Variants in CEP41 observed in about 807,000 individuals in gnomAD.
CEP41 encodes the protein centrosomal protein of 41 kDa.
A neutral mutation model predicts 44.3 loss-of-function variants in CEP41; 32 were observed. The ratio of observed to expected loss-of-function variants is 0.72; its 90% confidence interval spans 0.54 to 0.97. The LOEUF (loss-of-function observed/expected upper bound fraction) is 0.97. CEP41 is among the 50% of genes least tolerant of loss of function. The pLI is 0.00. For missense variants in CEP41, 432 were observed against 455.2 expected, an observed-to-expected ratio of 0.95 and a Z score of 0.46; for synonymous variants, 151 against 168.5, an observed-to-expected ratio of 0.90 and a Z score of 0.80.
At chr7:130,417,040 A>C in intron 2 of CEP41, 74 bp from the exon 3 acceptor site, 1 of 1,369,308 alleles carries the variant, frequency 7.3e-7, no homozygotes, top group Non-Finnish European at 1.0e-6. Flanking sequence ...AACAGAATGG[A>C]GGAAAAGTAT....
intron 5 of CEP41, among the ~76,000 whole-genome samples, chr7:130,408,880 C>T (rs1207475570): frequency 6.6e-6 from 1 of 152,122 alleles, no homozygotes; most frequent in Non-Finnish European, 1.5e-5. Flanking sequence ...GATGACAACA[C>T]AATCTTTACA....
chr7:130,423,942 G>A (rs1797585831), intron 2 of CEP41, among the ~76,000 whole-genome samples: 1 of 152,148 alleles, frequency 6.6e-6, no homozygotes, highest in African/African-American at 2.4e-5. Context: ...TAGATTAGTG[G>A]TTACTCAACA....
upstream of CEP41, chr7:130,441,198 C>T (rs1798153475): frequency 3.0e-6 from 2 of 671,390 alleles, no homozygotes; most frequent in South Asian, 3.0e-5. Context: ...GCTAGCGAGG[C>T]CTTTTGTTCT....
At chr7:130,401,149 A>C in intron 8 of CEP41, 1 of 330,152 alleles carries the variant, frequency 3.0e-6, no homozygotes, top group South Asian at 2.7e-5. Context: ...AAATAGAACA[A>C]CTTCTATGCC....
chr7:130,395,312 C>T lies in CEP41; in HGVS notation c.*3579G>A, dbSNP rs1554414034. ...CCTGCATGTAAGTACTCAACATGCT[C>T]ACATAATTAAACTGGTGAATTATAT... On this transcript the variant is annotated 3_prime_UTR_variant, in exon 11 of 11. Transcript: ENST00000223208. The T allele has an allele frequency of 2.2e-6, 1 of 453,844 alleles. No homozygotes were observed. The highest frequency in any genetic ancestry group is 2.0e-5 in the African/African-American group (1 of 49,954). The allele number at this position is 453,844 out of a possible 1,614,324, so 28.1% of individuals were successfully genotyped here.
Position 130,393,897 on chromosome 7 carries a change from A to G in CEP41, c.*4994T>C, listed in dbSNP as rs527933839. On this transcript the variant is annotated 3_prime_UTR_variant, in exon 11 of 11. Coordinates refer to ENST00000223208, the MANE Select transcript of CEP41 (RefSeq NM_018718.3). ...TTAAGTGGTACTTTGCAAGGTGTCC[A>G]TTAACAGACAAAATAACCTCGGAAG... The G allele has an allele frequency of 1.1e-4, 52 of 454,122 alleles. 1 individual carries two copies. Among genetic ancestry groups the G allele is most frequent in the South Asian group, 7.3e-4 (47 of 64,478 alleles). 28.1% of individuals were successfully genotyped at this position (454,122 alleles called of 1,614,324 possible).
intron 3 of CEP41, among the ~76,000 whole-genome samples, chr7:130,414,813 T>C (rs1797285561): frequency 6.6e-6 from 1 of 152,272 alleles, no homozygotes; most frequent in South Asian, 2.1e-4. Context: ...GCTCTGTCAG[T>C]CTGTCCTCGC....
At chr7:130,405,841 T>C (rs903026802) in intron 5 of CEP41, among the ~76,000 whole-genome samples, 1 of 152,204 alleles carries the variant, frequency 6.6e-6, no homozygotes, top group Non-Finnish European at 1.5e-5. Flanking sequence ...AAAGGACTAT[T>C]GAAATATTTC....
intron 6 of CEP41, 71 bp from the exon 7 acceptor site, chr7:130,402,870 C>CACAG: frequency 6.7e-7 from 1 of 1,488,440 alleles, no homozygotes; most frequent in Non-Finnish European, 9.4e-7. Context: ...CGTGTCTCTT[C>CACAG]AGAATAGTGA....
At chr7:130,419,401 A>G (rs1797431278) in intron 2 of CEP41, 4 of 985,442 alleles carry the variant, frequency 4.1e-6, no homozygotes, top group Non-Finnish European at 4.8e-6. Flanking sequence ...CCCACTGTGT[A>G]AACTGCTTAC....
chr7:130,396,093 CCTTT>C lies in CEP41; in HGVS notation c.*2794_*2797del, dbSNP rs1297854065. ...CCATTTCCTTGCTTCTTTCTCCCTT[CCTTT>C]CTTTTTTTCTTTTCTCCCTTCCTTA... On this transcript the variant is annotated 3_prime_UTR_variant, in exon 11 of 11. Transcript: ENST00000223208. 12 of 454,014 alleles carry C rather than the reference CCTTT, an allele frequency of 2.6e-5. No individual in the cohort carries two copies. The East Asian group carries it at 4.9e-4, about 18-fold the overall frequency. 28.1% of individuals were successfully genotyped at this position (454,014 alleles called of 1,614,324 possible). A position where few individuals can be genotyped will look rare whatever the true frequency, so the allele number is the denominator to read the frequency against.
chr7:130,401,467 TATAAG>T (rs10587880), intron 8 of CEP41, among the ~76,000 whole-genome samples: 55,607 of 151,750 alleles, frequency 0.37, 10,473 homozygotes, highest in African/African-American at 0.45. Context: ...ACTGTGTGAT[TATAAG>T]ATATTTCAAT....
rs1796657363 is a variant in CEP41 at position 130,396,364 on chromosome 7, C to A, written c.*2527G>T. On this transcript the variant is annotated 3_prime_UTR_variant, in exon 11 of 11. Transcript: ENST00000223208. ...AGGCTTTCTGACTGGAGAGCTGAGG[C>A]CCCCTGCCCTAATTGGACTGATTTC... 1 of 454,060 alleles carries A rather than the reference C, an allele frequency of 2.2e-6. No homozygotes were observed. The highest frequency in any genetic ancestry group is 4.4e-6 in the Non-Finnish European group (1 of 226,770). 28.1% of individuals were successfully genotyped at this position (454,060 alleles called of 1,614,324 possible).
intron 2 of CEP41, among the ~76,000 whole-genome samples, chr7:130,418,707 C>A (rs1385421884): frequency 6.6e-6 from 1 of 152,134 alleles, no homozygotes; most frequent in Non-Finnish European, 1.5e-5. Context: ...CTGAAAAACA[C>A]ATCTTTTTTT....
intron 2 of CEP41, chr7:130,419,660 T>C: frequency 1.0e-6 from 1 of 985,052 alleles, no homozygotes; most frequent in Non-Finnish European, 1.2e-6. Context: ...AAAAAAAAAG[T>C]CAGTGGCTCC....
chr7:130,441,295 G>A (rs1406494702), upstream of CEP41: 19 of 454,610 alleles, frequency 4.2e-5, no homozygotes, highest in African/African-American at 3.6e-4. Context: ...AAAGCCGGGG[G>A]CGGGGGCAGT....
At chr7:130,437,616 CA>C (rs1798005578) in intron 1 of CEP41, among the ~76,000 whole-genome samples, 1 of 150,934 alleles carries the variant, frequency 6.6e-6, no homozygotes, top group African/African-American at 2.4e-5. Flanking sequence ...ATAAAAAATA[CA>C]AAAAAATGAG....
In CEP41 at chr7:130,404,547, G is replaced by C. The variant is rs1198346062; in HGVS notation, c.422+17C>G. On this transcript the variant is annotated intron_variant, in intron 6 of 10. Transcript: ENST00000223208. ...TAAAGGCAAAATGCAGTGAAAATAT[G>C]AATCAGCTTCGAGTACCTCTGAAGA... is the stretch of plus-strand genomic sequence containing the variant. 3.7e-6 allele frequency: 6 copies of C among 1,609,744 alleles called. No individual in the cohort carries two copies. Among genetic ancestry groups the C allele is most frequent in the Non-Finnish European group, 5.1e-6 (6 of 1,176,158 alleles).
In CEP41 at chr7:130,412,178, C is replaced by T; in HGVS notation, c.207+1G>A. Reference sequence around the variant, plus strand: ...TCCAGTGGAAAAATCAAGAAACTTACCAGCTGGGCAAAAGTTGTAACTTTT... The same window carrying T: ...TCCAGTGGAAAAATCAAGAAACTTATCAGCTGGGCAAAAGTTGTAACTTTT... On this transcript the variant is annotated splice_donor_variant, in intron 4 of 10. Coordinates refer to ENST00000223208, the MANE Select transcript of CEP41 (RefSeq NM_018718.3). LOFTEE classifies it high-confidence loss of function. The T allele has an allele frequency of 6.5e-7, 1 of 1,529,038 alleles. No individual in the cohort carries two copies. Among genetic ancestry groups the T allele is most frequent in the Non-Finnish European group, 9.1e-7 (1 of 1,102,572 alleles). 94.7% of individuals were successfully genotyped at this position (1,529,038 alleles called of 1,614,324 possible). A position where few individuals can be genotyped will look rare whatever the true frequency, so the allele number is the denominator to read the frequency against.
Sources: gnomAD v4.1 joint callset for allele counts (sites outside exome capture counted in the v4.1 genomes callset) on GRCh38, gnomAD v4.1.1 for gene constraint, MANE v1.5 for transcripts, NCBI Gene and HGNC (gene_info 2026-07-23, HGNC 2026-07-21) for gene names.